The following TGFBR3 variants were observed in gnomAD, a reference collection of about 807,000 sequenced individuals.
TGFBR3 encodes transforming growth factor beta receptor 3.
Under a neutral mutation model 87.9 loss-of-function variants are expected in TGFBR3, and 46 were observed. The observed-to-expected ratio is 0.52, with a 90% CI of 0.41 to 0.67. The LOEUF is 0.67. Ranked by LOEUF, TGFBR3 falls within the 30% of genes least tolerant of loss-of-function variation. The probability of loss-of-function intolerance (pLI) is 0.00; values close to 1 mark genes in which losing one functional copy is unlikely to be tolerated. For synonymous variants in TGFBR3, 381 were observed against 391.6 expected (o/e 0.97, Z 0.32); for missense variants, 866 against 1,041.9 (o/e 0.83, Z 2.32).
At chr1:91,894,695 C>G (rs1679518921) in intron 2 of TGFBR3, among the ~76,000 whole-genome samples, 2 of 152,248 alleles carry the variant, frequency 1.3e-5, no homozygotes, top group Non-Finnish European at 2.9e-5. Flanking sequence ...GTCACCTCCG[C>G]TGGCTTTTCT....
Position 91,838,839 on chromosome 1 carries a change from C to T in TGFBR3, c.61+22632G>A, listed in dbSNP as rs1278644112. Among the ~76,000 whole-genome samples the T allele has an allele frequency of 3.3e-5, 5 of 152,170 alleles. No individual in the cohort carries two copies. The East Asian group carries it at 9.6e-4, about 29-fold the overall frequency. On this transcript the variant is annotated intron_variant, in intron 2 of 16. Transcript: ENST00000212355. Reference sequence around the variant, plus strand: ...ATCTCTTTAAATGTCTGGCTTAATACAAGACCACTGGGTTTTCCCATCTAC... The same window carrying T: ...ATCTCTTTAAATGTCTGGCTTAATATAAGACCACTGGGTTTTCCCATCTAC...
At chr1:91,777,289 C>T (rs1432384593) in intron 3 of TGFBR3, among the ~76,000 whole-genome samples, 1 of 152,166 alleles carries the variant, frequency 6.6e-6, no homozygotes, top group Non-Finnish European at 1.5e-5. Context: ...GCTTTGAAGA[C>T]CTGTGGTGTT....
chr1:91,765,907 T>A lies in TGFBR3; in HGVS notation c.247-7157A>T, dbSNP rs1018230797. Reference sequence around the variant, plus strand: ...TTAAAATGGAGGGAAAGTTTGCTTTTTATATATATATATTCCCTGTCACAT... The same window carrying A: ...TTAAAATGGAGGGAAAGTTTGCTTTATATATATATATATTCCCTGTCACAT... On this transcript the variant is annotated intron_variant, in intron 3 of 16. Transcript: ENST00000212355. 3.0e-4 allele frequency among the ~76,000 whole-genome samples: 46 copies of A among 151,842 alleles called. 1 individual carries two copies. The highest frequency in any genetic ancestry group is 1.6e-3 in the Admixed American group (24 of 15,242).
chr1:91,797,229 A>G (rs1675423519), intron 3 of TGFBR3, 58 bp downstream of exon 3: 1 of 1,582,104 alleles, frequency 6.3e-7, no homozygotes, highest in African/African-American at 1.3e-5. Flanking sequence ...ACTTCTGTCC[A>G]GAAAATCATC....
Position 91,815,301 on chromosome 1 carries a change from A to AAAAATAAAATAAAAT in TGFBR3, c.62-17845_62-17831dup, listed in dbSNP as rs71586714. The stretch of plus-strand genomic sequence containing the variant: ...TGGGTGACAGAGCAAGACTCCATCT[A>AAAAATAAAATAAAAT]AAAATAAAATAAAATAAAATAAAAT... On this transcript the variant is annotated intron_variant, in intron 2 of 16. Coordinates refer to ENST00000212355, the MANE Select transcript of TGFBR3 (RefSeq NM_003243.5). Among the ~76,000 whole-genome samples the AAAAATAAAATAAAAT allele has an allele frequency of 9.8e-3, 1,389 of 141,146 alleles. 16 individuals are homozygous for AAAAATAAAATAAAAT. The highest frequency in any genetic ancestry group is 0.024 in the African/African-American group (904 of 38,154). 92.6% of individuals were successfully genotyped at this position (141,146 alleles called of 152,430 possible). A position where few individuals can be genotyped will look rare whatever the true frequency, so the allele number is the denominator to read the frequency against.
chr1:91,742,711 G>A (rs567566972), intron 4 of TGFBR3, among the ~76,000 whole-genome samples: 27 of 152,244 alleles, frequency 1.8e-4, no homozygotes, highest in African/African-American at 6.3e-4. Flanking sequence ...CCTAGTAAAC[G>A]TTTGTTGAAG....
chr1:91,762,367 C>A (rs908262433), intron 3 of TGFBR3, among the ~76,000 whole-genome samples: 1 of 152,282 alleles, frequency 6.6e-6, no homozygotes, highest in African/African-American at 2.4e-5. Context: ...AGATTAAGAA[C>A]CCCATCGTAA....
At chr1:91,898,437 G>T (rs551439670) in intron 2 of TGFBR3, among the ~76,000 whole-genome samples, 8 of 151,428 alleles carry the variant, frequency 5.3e-5, no homozygotes, top group Admixed American at 2.6e-4. Context: ...TGTTTTTTTT[G>T]GTTTTTCTGT....
chr1:91,715,855 A>G (rs1029331649), intron 12 of TGFBR3, among the ~76,000 whole-genome samples: 5 of 98,494 alleles, frequency 5.1e-5, no homozygotes, highest in Non-Finnish European at 9.3e-5. Flanking sequence ...CTGTGCAGGG[A>G]AAAAAAAAGA....
Position 91,734,844 on chromosome 1 carries a change from T to C in TGFBR3, c.500A>G (p.Glu167Gly). The C allele has an allele frequency of 6.2e-7, 1 of 1,614,226 alleles. No individual in the cohort carries two copies. Among genetic ancestry groups the C allele is most frequent in the Non-Finnish European group, 8.5e-7 (1 of 1,180,024 alleles). ...GGTGAATGAAGTAACTGCTCCATAC[T>C]CTTTTCGGGCCCAATTTAACAGATG... Reference protein sequence around the residue: ...NEHLLNWARKEYGAVTSFTEL... With the variant: ...NEHLLNWARKGYGAVTSFTEL... Residue 167 changes from glutamate (E) to glycine (G), a missense_variant, in exon 5 of 17, where the codon GAG (glutamate) becomes GGG (glycine). Glu to Gly is a moderately conservative substitution (Grantham distance 98, BLOSUM62 -2). Coordinates refer to ENST00000212355, the MANE Select transcript of TGFBR3 (RefSeq NM_003243.5).
chr1:91,798,378 G>T (rs1429643465), intron 2 of TGFBR3, among the ~76,000 whole-genome samples: 1 of 152,180 alleles, frequency 6.6e-6, no homozygotes, highest in Non-Finnish European at 1.5e-5. Context: ...CCACCACAGA[G>T]CACAGGAGGC....
chr1:91,797,372 C>G lies in TGFBR3; in HGVS notation c.161G>C (p.Ser54Thr). 6.2e-7 allele frequency: 1 copy of G among 1,614,232 alleles called. No homozygotes were observed. Among genetic ancestry groups the G allele is most frequent in the South Asian group, 1.1e-5 (1 of 91,090 alleles). Residue 54 changes from serine (S) to threonine (T), a missense_variant, in exon 3 of 17, where the codon AGC becomes ACC. Coordinates refer to ENST00000212355, the MANE Select transcript of TGFBR3 (RefSeq NM_003243.5). ...ESFTVLSGCA[S>T]RGTTGLPQEV... ...CTGTGGCAGCCCAGTTGTGCCTCTG[C>G]TGGCACAGCCTGACAAAACAGTGAA...
intron 3 of TGFBR3, among the ~76,000 whole-genome samples, chr1:91,794,695 A>G (rs141036565): frequency 6.6e-6 from 1 of 152,268 alleles, no homozygotes; most frequent in Non-Finnish European, 1.5e-5. Context: ...TTCAAGGTTC[A>G]TCCATGCTGT....
intron 16 of TGFBR3, among the ~76,000 whole-genome samples, chr1:91,684,861 C>T (rs527728122): frequency 6.6e-5 from 10 of 152,194 alleles, no homozygotes; most frequent in Admixed American, 6.5e-5. Context: ...GCATCCCCTC[C>T]TTCAATGTGG....
intron 1 of TGFBR3, among the ~76,000 whole-genome samples, chr1:91,865,433 C>G (rs943093310): frequency 6.6e-6 from 1 of 151,634 alleles, no homozygotes; most frequent in Non-Finnish European, 1.5e-5. Flanking sequence ...CACATGTACC[C>G]TAGAACTTAA....
intron 4 of TGFBR3, among the ~76,000 whole-genome samples, chr1:91,757,866 G>A (rs554609559): frequency 2.0e-5 from 3 of 152,302 alleles, no homozygotes; most frequent in African/African-American, 7.2e-5. Flanking sequence ...TTGTGGGCAA[G>A]AGAGGTTTAA....
chr1:91,727,795 A>C lies in TGFBR3; in HGVS notation c.749T>G (p.Val250Gly). 1 of 1,613,896 alleles carries C rather than the reference A, an allele frequency of 6.2e-7. No individual in the cohort carries two copies. ...AGGTCTTATATCAATTGTTATATCC[A>C]CCTGGAAAGCACTGTGAATGGAAGA... ...PNSNPYSAFQVDITIDIRPSQ... is the reference protein window; with the variant it reads ...PNSNPYSAFQGDITIDIRPSQ... Residue 250 changes from valine to glycine, a missense_variant, in exon 7 of 17, where the codon GTG becomes GGG. By Grantham distance (109) the Val-to-Gly change is moderately radical (BLOSUM62 -3). Coordinates refer to ENST00000212355, the MANE Select transcript of TGFBR3 (RefSeq NM_003243.5).
At chr1:91,842,123 G>T (rs1031544272) in intron 2 of TGFBR3, among the ~76,000 whole-genome samples, 1 of 151,404 alleles carries the variant, frequency 6.6e-6, no homozygotes, top group Non-Finnish European at 1.5e-5. Context: ...AAGAAAGAAA[G>T]AAAAGAAAAA....
intron 3 of TGFBR3, among the ~76,000 whole-genome samples, chr1:91,778,626 AT>A (rs1392524978): frequency 6.6e-6 from 1 of 152,206 alleles, no homozygotes; most frequent in African/African-American, 2.4e-5. Context: ...GACTTAACCT[AT>A]TTGCTAAACT....
Sources: allele counts gnomAD v4.1 joint callset (sites outside exome capture counted in the v4.1 genomes callset), GRCh38; gene constraint gnomAD v4.1.1; transcripts MANE v1.5; gene names NCBI Gene and HGNC (gene_info 2026-07-23, HGNC 2026-07-21).